Variants in DCHS2 observed in about 807,000 individuals in gnomAD.
The protein encoded by DCHS2 is protocadherin-23.
A neutral mutation model predicts 182.4 loss-of-function variants in DCHS2; 142 were observed. The ratio of observed to expected loss-of-function variants is 0.78; its 90% CI spans 0.68 to 0.89. DCHS2 has a LOEUF of 0.89. Among genes scored for constraint, DCHS2 ranks in the 40% least tolerant of loss-of-function variants. DCHS2 has a pLI of 0.00. For synonymous variants in DCHS2, 1,740 were observed against 1,663.3 expected, an observed-to-expected ratio of 1.05 and a Z score of -1.12; for missense variants, 4,319 against 4,198.6, an observed-to-expected ratio of 1.03 and a Z score of -0.79.
chr4:154,373,184 T>A (rs1579019364), intron 2 of DCHS2, among the ~76,000 whole-genome samples: 1 of 152,360 alleles, frequency 6.6e-6, no homozygotes, highest in East Asian at 1.9e-4. Context: ...TTGAATGCAG[T>A]CTACGTTGCT....
chr4:154,245,717 T>C (rs1732041123), intron 16 of DCHS2, among the ~76,000 whole-genome samples: 1 of 152,120 alleles, frequency 6.6e-6, no homozygotes, highest in Non-Finnish European at 1.5e-5. Flanking sequence ...TATAAGTCCA[T>C]AAAGCTAAAA....
At chr4:154,241,869 G>A (rs1731842717) in intron 17 of DCHS2, among the ~76,000 whole-genome samples, 1 of 152,118 alleles carries the variant, frequency 6.6e-6, no homozygotes, top group Non-Finnish European at 1.5e-5. Context: ...GCATAGACAT[G>A]TCTGGAATAT....
rs1728586962 is a variant in DCHS2 at position 154,486,390 on chromosome 4, G to A, written c.2052+2914C>T. ...TGTGGAGTAACCACTAAGACAACTTGAAGTTAAAGGGTTTGTTTTTATCAG... is the reference window on the plus strand; with the variant it reads ...TGTGGAGTAACCACTAAGACAACTTAAAGTTAAAGGGTTTGTTTTTATCAG... On this transcript the variant is annotated intron_variant, in intron 1 of 19. Transcript: ENST00000357232. 7.7e-6 allele frequency: 10 copies of A among 1,302,078 alleles called. No individual in the cohort carries two copies. The Middle Eastern group carries it at 6.4e-4, about 84-fold the overall frequency. The allele number at this position is 1,302,078 out of a possible 1,614,324, so 80.7% of individuals were successfully genotyped here.
rs536279460 is a variant in DCHS2 at position 154,333,479 on chromosome 4, A to G, written c.2729T>C (p.Ile910Thr). 1.1e-4 allele frequency: 170 copies of G among 1,612,688 alleles called. 2 individuals are homozygous for G. The South Asian group carries it at 1.7e-3, about 16-fold the overall frequency. The change falls in exon 5 of 20, where the codon ATC becomes ACC. Residue 910 changes from isoleucine (I) to threonine (T), a missense_variant. Ile to Thr is a moderately conservative substitution (Grantham distance 89). Transcript: ENST00000357232. ...AREPLNSSEPIFYRISSGDLG... is the reference protein window; with the variant it reads ...AREPLNSSEPTFYRISSGDLG... ...ATCACCAGAAGAAATCCTGTAAAAGATTGGTTCTGAGGAGTCTGAAAAAGA... is the reference window on the plus strand; with the variant it reads ...ATCACCAGAAGAAATCCTGTAAAAGGTTGGTTCTGAGGAGTCTGAAAAAGA...
Position 154,489,303 on chromosome 4 carries a change from C to G in DCHS2, c.2052+1G>C. The stretch of plus-strand genomic sequence containing the variant: ...TTGGCCCACAGGCCTGATGCACTCA[C>G]CTGCAGAAAGCAGTGTCCAACCGGG... On this transcript the variant is annotated splice_donor_variant, in intron 1 of 19. Transcript: ENST00000357232. LOFTEE classifies it high-confidence loss of function. The G allele has an allele frequency of 6.6e-7, 1 of 1,510,800 alleles. No individual in the cohort carries two copies. Among genetic ancestry groups the G allele is most frequent in the Non-Finnish European group, 8.9e-7 (1 of 1,122,050 alleles). The allele number at this position is 1,510,800 out of a possible 1,614,324, so 93.6% of individuals were successfully genotyped here.
At chr4:154,378,051 C>T (rs4696555) in intron 1 of DCHS2, among the ~76,000 whole-genome samples, 52,457 of 152,062 alleles carry the variant, frequency 0.34, 10,344 homozygotes, top group Non-Finnish European at 0.46. Context: ...GTGTAGCATT[C>T]AGTCTGCAGG....
At chr4:154,327,866 G>A (rs960937155) in intron 7 of DCHS2, among the ~76,000 whole-genome samples, 9 of 152,096 alleles carry the variant, frequency 5.9e-5, no homozygotes, top group Non-Finnish European at 1.0e-4. Flanking sequence ...TATTAAGAAC[G>A]TAAAAAGCTA....
chr4:154,259,809 T>C, intron 14 of DCHS2, 53 bp from the exon 15 acceptor site: 1 of 1,472,620 alleles, frequency 6.8e-7, no homozygotes, highest in Non-Finnish European at 9.0e-7. Flanking sequence ...AGTTATTCTT[T>C]TATTTTTTAT....
intron 9 of DCHS2, among the ~76,000 whole-genome samples, chr4:154,316,556 G>T (rs374522708): frequency 1.4e-4 from 21 of 152,272 alleles, no homozygotes; most frequent in African/African-American, 4.1e-4. Context: ...GCCAAGGCAG[G>T]AGGATCACTT....
rs775133855 is a variant in DCHS2, at chr4:154,490,474, C to T, written c.882G>A (p.Pro294=). The part of the protein sequence containing the change: ...LRVLDENDNP[P]VFEQDEYRAA... ...CGCGGTACTCGTCCTGCTCAAAGACCGGCGGGTTGTCGTTCTCATCCAGCA... is the reference window on the plus strand; with the variant it reads ...CGCGGTACTCGTCCTGCTCAAAGACTGGCGGGTTGTCGTTCTCATCCAGCA... The change falls in exon 1 of 20, where the codon CCG becomes CCA. Residue 294 remains proline, a synonymous_variant. Transcript: ENST00000357232. The T allele has an allele frequency of 3.3e-6, 5 of 1,536,592 alleles. No individual in the cohort carries two copies. Among genetic ancestry groups the T allele is most frequent in the Non-Finnish European group, 4.4e-6 (5 of 1,146,486 alleles).
In DCHS2 at chr4:154,236,474, T is replaced by G; in HGVS notation, c.8178A>C (p.Lys2726Asn). The change falls in exon 20 of 20, where the codon AAA becomes AAC. Residue 2726 changes from lysine (K) to asparagine (N), a missense_variant. Coordinates refer to ENST00000357232, the MANE Select transcript of DCHS2 (RefSeq NM_001358235.2). ...EENTGVLYLI[K>N]PLDYEKMTKF... is the part of the protein sequence containing the mutation. ...TTGTCATTTTTTCATAATCCAGAGG[T>G]TTAATCAAATAAAGAACTCCAGTGT... is the stretch of plus-strand genomic sequence containing the variant. 6.2e-7 allele frequency: 1 copy of G among 1,613,922 alleles called. No homozygotes were observed. The highest frequency in any genetic ancestry group is 8.5e-7 in the Non-Finnish European group (1 of 1,179,934).
intron 1 of DCHS2, among the ~76,000 whole-genome samples, chr4:154,433,105 G>A (rs1336460483): frequency 6.6e-6 from 1 of 152,114 alleles, no homozygotes; most frequent in African/African-American, 2.4e-5. Context: ...GGATTAGGCG[G>A]ACCCTAAACC....
intron 14 of DCHS2, among the ~76,000 whole-genome samples, chr4:154,268,080 G>A (rs917575711): frequency 2.6e-5 from 4 of 152,118 alleles, no homozygotes; most frequent in East Asian, 1.9e-4. Flanking sequence ...CTTTTGCATC[G>A]TGAGGTGCCA....
intron 12 of DCHS2, among the ~76,000 whole-genome samples, chr4:154,303,210 G>A (rs1278986497): frequency 6.6e-6 from 1 of 152,016 alleles, no homozygotes; most frequent in South Asian, 2.1e-4. Flanking sequence ...TCGAACTCCT[G>A]ACCTCAGGTG....
chr4:154,474,745 T>G (rs1735617514), intron 1 of DCHS2, among the ~76,000 whole-genome samples: 2 of 152,124 alleles, frequency 1.3e-5, no homozygotes, highest in African/African-American at 2.4e-5. Flanking sequence ...TACTCCCAAT[T>G]TTTCTTATCC....
intron 10 of DCHS2, among the ~76,000 whole-genome samples, chr4:154,314,244 C>T (rs948235421): frequency 6.6e-6 from 1 of 152,122 alleles, no homozygotes; most frequent in Non-Finnish European, 1.5e-5. Flanking sequence ...TTTTGCATTG[C>T]TCAGCACCCT....
intron 3 of DCHS2, among the ~76,000 whole-genome samples, chr4:154,344,794 C>T (rs1729282002): frequency 6.6e-6 from 1 of 152,170 alleles, no homozygotes; most frequent in African/African-American, 2.4e-5. Context: ...ACTCAGGTGT[C>T]TCAGAGGATT....
At chr4:154,271,425 T>C (rs1733585766) in intron 13 of DCHS2, among the ~76,000 whole-genome samples, 2 of 152,178 alleles carry the variant, frequency 1.3e-5, no homozygotes, top group African/African-American at 4.8e-5. Flanking sequence ...AAACTTTATT[T>C]ACCAAAATAA....
chr4:154,304,656 C>CAAACAAAA lies in DCHS2; in HGVS notation c.5605+12_5605+13insTTTTGTTT. On this transcript the variant is annotated intron_variant, in intron 12 of 19. Transcript: ENST00000357232. ...AAAAACAAACAAACAAACAAACAAA[C>CAAACAAAA]AAACAAACTTACCAATTATGTGATA... The CAAACAAAA allele has an allele frequency of 6.3e-7, 1 of 1,594,018 alleles. No individual in the cohort carries two copies. Among genetic ancestry groups the CAAACAAAA allele is most frequent in the Non-Finnish European group, 8.5e-7 (1 of 1,169,772 alleles).
Sources: allele counts gnomAD v4.1 joint callset (sites outside exome capture counted in the v4.1 genomes callset), GRCh38; gene constraint gnomAD v4.1.1; transcripts MANE v1.5; gene names NCBI Gene and HGNC (gene_info 2026-07-23, HGNC 2026-07-21).